Variants in KATNAL1 observed in about 807,000 individuals in gnomAD.
KATNAL1 encodes the protein katanin p60 ATPase-containing subunit A-like 1.
In KATNAL1, 32 loss-of-function variants were observed where a neutral mutation model predicts 55.2. The observed-to-expected ratio is 0.58, with a 90% confidence interval of 0.44 to 0.78. KATNAL1 has a LOEUF of 0.78. KATNAL1 is among the 30% of genes least tolerant of loss of function. The pLI is 0.00. For synonymous variants in KATNAL1, 193 were observed against 193.6 expected (o/e 1.00, Z 0.02); for missense variants, 466 against 600.9 (o/e 0.78, Z 2.35).
intron 1 of KATNAL1, among the ~76,000 whole-genome samples, chr13:30,292,372 T>C (rs1882191339): frequency 6.6e-6 from 1 of 152,124 alleles, no homozygotes; most frequent in African/African-American, 2.4e-5. Flanking sequence ...AAGGTATTTT[T>C]TTTTTTTCCA....
intron 3 of KATNAL1, among the ~76,000 whole-genome samples, chr13:30,269,503 A>T (rs556709634): frequency 6.6e-6 from 1 of 152,182 alleles, no homozygotes; most frequent in East Asian, 1.9e-4. Context: ...CCCGTCTAGG[A>T]AGTGAGGAGC....
intron 3 of KATNAL1, among the ~76,000 whole-genome samples, chr13:30,268,775 T>C (rs1473544746): frequency 1.3e-5 from 2 of 152,144 alleles, no homozygotes; most frequent in African/African-American, 4.8e-5. Flanking sequence ...AATCTAGAAA[T>C]AGTGAAATGC....
Position 30,250,735 on chromosome 13 carries a change from A to T in KATNAL1, c.492+4712T>A, listed in dbSNP as rs117223530. On this transcript the variant is annotated intron_variant, in intron 4 of 10. Coordinates refer to ENST00000380615, the MANE Select transcript of KATNAL1 (RefSeq NM_032116.5). ...CTTTAAAATGAATTCAGAGAATATA[A>T]TTTGCCATACTTTAATCTGAATTCT... 3.9e-5 allele frequency among the ~76,000 whole-genome samples: 6 copies of T among 152,362 alleles called. No individual in the cohort carries two copies. The East Asian group carries it at 1.2e-3, about 29-fold the overall frequency.
At chr13:30,216,117 C>T (rs542307929) in intron 9 of KATNAL1, among the ~76,000 whole-genome samples, 2 of 151,928 alleles carry the variant, frequency 1.3e-5, no homozygotes, top group South Asian at 4.2e-4. Context: ...ATACATTGAG[C>T]AAAAGAGGCA....
chr13:30,265,213 G>A (rs1308970960), intron 3 of KATNAL1, among the ~76,000 whole-genome samples: 1 of 150,632 alleles, frequency 6.6e-6, no homozygotes, highest in Admixed American at 6.6e-5. Context: ...TCACACTCTG[G>A]GGACTGTTGT....
At position 30,287,668 on chromosome 13, in the gene KATNAL1, A is replaced by C. The variant is rs142578021; in HGVS notation, c.-14-3877T>G. The stretch of plus-strand genomic sequence containing the variant: ...CAAATTTAGAACATTAACACGAAAC[A>C]ATATGGCCTTATTATAATGAATAAT... On this transcript the variant is annotated intron_variant, in intron 1 of 10. Coordinates refer to ENST00000380615, the MANE Select transcript of KATNAL1 (RefSeq NM_032116.5). Among the ~76,000 whole-genome samples, 13 of 152,336 alleles carry C rather than the reference A, an allele frequency of 8.5e-5. No homozygotes were observed. In the East Asian group the frequency reaches 2.5e-3, roughly 29 times the overall value.
chr13:30,252,656 A>G (rs1288203494), intron 4 of KATNAL1, among the ~76,000 whole-genome samples: 1 of 152,210 alleles, frequency 6.6e-6, no homozygotes, highest in African/African-American at 2.4e-5. Context: ...GCAGCAATAC[A>G]CAAAACTGAT....
At chr13:30,250,372 C>A (rs1878183901) in intron 4 of KATNAL1, among the ~76,000 whole-genome samples, 1 of 152,180 alleles carries the variant, frequency 6.6e-6, no homozygotes, top group African/African-American at 2.4e-5. Context: ...AAAGCTCTAG[C>A]ATGTTTTTAT....
At chr13:30,246,780 A>G (rs1163401289) in intron 4 of KATNAL1, among the ~76,000 whole-genome samples, 1 of 152,030 alleles carries the variant, frequency 6.6e-6, no homozygotes, top group Non-Finnish European at 1.5e-5. Flanking sequence ...GTGGCCAACA[A>G]ACATGAAAAA....
At chr13:30,271,701 T>C (rs934506054) in intron 3 of KATNAL1, among the ~76,000 whole-genome samples, 7 of 151,790 alleles carry the variant, frequency 4.6e-5, no homozygotes, top group Non-Finnish European at 1.0e-4. Flanking sequence ...CCAAACTATA[T>C]CAGAACCCTT....
intron 4 of KATNAL1, among the ~76,000 whole-genome samples, chr13:30,253,157 C>A (rs1364363295): frequency 6.6e-6 from 1 of 152,178 alleles, no homozygotes; most frequent in Admixed American, 6.5e-5. Context: ...ACTTCAGTAT[C>A]CTAATGAATA....
intron 1 of KATNAL1, among the ~76,000 whole-genome samples, chr13:30,295,756 T>G (rs934618946): frequency 2.0e-5 from 3 of 152,220 alleles, no homozygotes; most frequent in African/African-American, 7.2e-5. Context: ...TCCTAGTTGA[T>G]AAAGCAGCAG....
At chr13:30,296,278 T>G (rs1198635628) in intron 1 of KATNAL1, 1 of 1,210,870 alleles carries the variant, frequency 8.3e-7, no homozygotes, top group Non-Finnish European at 1.2e-6. Flanking sequence ...TTTTCTACCC[T>G]CTGGACTTCA....
At chr13:30,240,341 A>T in intron 6 of KATNAL1, 119 bp downstream of exon 6, 1 of 669,058 alleles carries the variant, frequency 1.5e-6, no homozygotes, top group East Asian at 2.7e-5. Context: ...TTGGGTGTAC[A>T]TAAACTTCTC....
At chr13:30,271,476 C>T (rs553532005) in intron 3 of KATNAL1, among the ~76,000 whole-genome samples, 2 of 152,250 alleles carry the variant, frequency 1.3e-5, no homozygotes, top group African/African-American at 4.8e-5. Context: ...GAAGAAGACA[C>T]ATCACATGGC....
intron 4 of KATNAL1, among the ~76,000 whole-genome samples, chr13:30,248,750 C>T (rs1273947366): frequency 2.0e-5 from 3 of 152,070 alleles, no homozygotes; most frequent in African/African-American, 7.2e-5. Flanking sequence ...CGTGGTGAAA[C>T]CCCATCTCTA....
intron 1 of KATNAL1, among the ~76,000 whole-genome samples, chr13:30,286,350 G>A (rs547267227): frequency 1.1e-3 from 175 of 152,316 alleles, no homozygotes; most frequent in Non-Finnish European, 2.0e-3. Flanking sequence ...GTGCAGCCTC[G>A]GGACTTGGTG....
intron 3 of KATNAL1, among the ~76,000 whole-genome samples, chr13:30,272,582 G>A (rs1880466788): frequency 6.6e-6 from 1 of 151,892 alleles, no homozygotes; most frequent in South Asian, 2.1e-4. Context: ...CCACTATCTT[G>A]TTCCCACTAC....
chr13:30,239,842 C>G (rs900327232), intron 6 of KATNAL1, among the ~76,000 whole-genome samples: 1 of 151,940 alleles, frequency 6.6e-6, no homozygotes, highest in African/African-American at 2.4e-5. Flanking sequence ...TGCACCACCA[C>G]GCCCAGCTAA....
Sources: gnomAD v4.1 joint callset for allele counts (sites outside exome capture counted in the v4.1 genomes callset) on GRCh38, gnomAD v4.1.1 for gene constraint, MANE v1.5 for transcripts, NCBI Gene and HGNC (gene_info 2026-07-23, HGNC 2026-07-21) for gene names.